STXBP5L: variants seen among roughly 807,000 people sequenced by gnomAD.
STXBP5L encodes the protein syntaxin binding protein 5L.
A neutral mutation model predicts 144.5 loss-of-function variants in STXBP5L; 65 were observed. That is an observed-to-expected ratio of 0.45 (90% CI 0.37 to 0.55). The LOEUF (loss-of-function observed/expected upper bound fraction) is 0.55. Among genes scored for constraint, STXBP5L ranks in the 20% least tolerant of loss-of-function variants. The probability of loss-of-function intolerance (pLI) is 0.00; values close to 1 mark genes in which losing one functional copy is unlikely to be tolerated. For missense variants in STXBP5L, 1,298 were observed against 1,405.5 expected (o/e 0.92, Z 1.22); for synonymous variants, 505 against 469.6 (o/e 1.08, Z -0.97).
At chr3:121,190,912 C>T (rs1321334585) in intron 9 of STXBP5L, among the ~76,000 whole-genome samples, 65 of 151,174 alleles carry the variant, frequency 4.3e-4, no homozygotes, top group Non-Finnish European at 7.7e-4. Flanking sequence ...GGGTCACGGC[C>T]GGGCAGAGGA....
intron 19 of STXBP5L, among the ~76,000 whole-genome samples, chr3:121,291,208 G>T (rs2051426204): frequency 5.3e-5 from 8 of 151,942 alleles, no homozygotes; most frequent in Admixed American, 5.2e-4. Flanking sequence ...AAAGTTTCAG[G>T]ATACAAAATC....
In STXBP5L at chr3:121,112,601, C is replaced by A. The variant is rs147890137; in HGVS notation, c.471-2324C>A. Among the ~76,000 whole-genome samples, 12 of 151,964 alleles carry A rather than the reference C, an allele frequency of 7.9e-5. No homozygotes were observed. In the East Asian group the frequency reaches 2.1e-3, roughly 27 times the overall value. On this transcript the variant is annotated intron_variant, in intron 5 of 26. Coordinates refer to ENST00000471454, the MANE Select transcript of STXBP5L (RefSeq NM_001308330.2). Reference sequence around the variant, plus strand: ...GCCTTCGACCGCAGCTATTTCCAGTCAATCATCTTGGTCCCTCCCGGCAAC... The same window carrying A: ...GCCTTCGACCGCAGCTATTTCCAGTAAATCATCTTGGTCCCTCCCGGCAAC...
At chr3:120,998,861 T>C (rs1250415533) in intron 3 of STXBP5L, among the ~76,000 whole-genome samples, 2 of 152,100 alleles carry the variant, frequency 1.3e-5, no homozygotes, top group African/African-American at 4.8e-5. Context: ...CTGAATGAAG[T>C]GAGAGCTGAC....
At chr3:121,351,607 T>TAGATTGCA (rs1418095644) in intron 20 of STXBP5L, among the ~76,000 whole-genome samples, 2 of 152,178 alleles carry the variant, frequency 1.3e-5, no homozygotes, top group African/African-American at 4.8e-5. Flanking sequence ...GTCAGATAGG[T>TAGATTGCA]AGATTGCAAA....
At chr3:121,355,483 T>C (rs2045473381) in intron 20 of STXBP5L, among the ~76,000 whole-genome samples, 2 of 152,218 alleles carry the variant, frequency 1.3e-5, no homozygotes, top group Admixed American at 1.3e-4. Context: ...GAATCAGCTA[T>C]TGAATCTTGT....
At chr3:120,938,363 G>A (rs914233749) in intron 2 of STXBP5L, among the ~76,000 whole-genome samples, 3 of 152,058 alleles carry the variant, frequency 2.0e-5, no homozygotes, top group Non-Finnish European at 4.4e-5. Context: ...CTTTCCTAAA[G>A]ATACTACATT....
chr3:121,006,656 T>C (rs975628707), intron 3 of STXBP5L, among the ~76,000 whole-genome samples: 1 of 152,228 alleles, frequency 6.6e-6, no homozygotes, highest in Non-Finnish European at 1.5e-5. Context: ...CAATGGTCTT[T>C]ACAATTTGGC....
chr3:121,209,622 C>A (rs1577216072), intron 10 of STXBP5L, among the ~76,000 whole-genome samples: 1 of 151,966 alleles, frequency 6.6e-6, no homozygotes, highest in African/African-American at 2.4e-5. Flanking sequence ...GTGATGTTCC[C>A]CTTCCTGTTT....
intron 19 of STXBP5L, among the ~76,000 whole-genome samples, chr3:121,295,756 C>T (rs1348170939): frequency 6.6e-6 from 1 of 152,106 alleles, no homozygotes; most frequent in Non-Finnish European, 1.5e-5. Flanking sequence ...ACACCTACAT[C>T]TACAATGTAT....
intron 3 of STXBP5L, among the ~76,000 whole-genome samples, chr3:120,958,121 T>C (rs1369415760): frequency 6.6e-6 from 1 of 152,144 alleles, no homozygotes; most frequent in Non-Finnish European, 1.5e-5. Flanking sequence ...CACAGAATAC[T>C]ATAAACAACT....
intron 3 of STXBP5L, among the ~76,000 whole-genome samples, chr3:120,971,638 TACACAC>T (rs10576644): frequency 1.7e-4 from 25 of 146,386 alleles, no homozygotes; most frequent in East Asian, 8.0e-4. Context: ...CATGCATACA[TACACAC>T]ACACACACAC....
intron 2 of STXBP5L, among the ~76,000 whole-genome samples, chr3:120,941,831 A>G (rs1191685044): frequency 6.6e-6 from 1 of 151,760 alleles, no homozygotes; most frequent in Non-Finnish European, 1.5e-5. Flanking sequence ...CCAAAGTGCC[A>G]TATCATTCGT....
At chr3:121,377,964 A>G (rs2046231532) in intron 20 of STXBP5L, among the ~76,000 whole-genome samples, 2 of 152,260 alleles carry the variant, frequency 1.3e-5, no homozygotes, top group African/African-American at 4.8e-5. Context: ...TGTGGCACAT[A>G]TACAGCATGG....
At position 121,273,611 on chromosome 3, in the gene STXBP5L, C is replaced by A. The variant is rs145434035; in HGVS notation, c.1959-6194C>A. ...ATGTACTCTCTGTCCCTTTCTCTCTCTTCCTCTGAATCTCCCATAATGTGA... is the reference window on the plus strand; with the variant it reads ...ATGTACTCTCTGTCCCTTTCTCTCTATTCCTCTGAATCTCCCATAATGTGA... On this transcript the variant is annotated intron_variant, in intron 18 of 26. Transcript: ENST00000471454. Among the ~76,000 whole-genome samples, 591 of 152,200 alleles carry A rather than the reference C, an allele frequency of 3.9e-3. 2 individuals are homozygous for A. The highest frequency in any genetic ancestry group is 3.7e-3 in the Non-Finnish European group (250 of 67,982).
At chr3:120,988,910 T>C (rs1025728721) in intron 3 of STXBP5L, among the ~76,000 whole-genome samples, 1 of 152,138 alleles carries the variant, frequency 6.6e-6, no homozygotes, top group South Asian at 2.1e-4. Context: ...AGTGAGAACA[T>C]GTGATATTTG....
intron 3 of STXBP5L, among the ~76,000 whole-genome samples, chr3:121,004,463 G>T (rs1232057625): frequency 6.6e-6 from 1 of 151,596 alleles, no homozygotes; most frequent in African/African-American, 2.4e-5. Flanking sequence ...GAGACAATGG[G>T]GTTTTCTAGA....
intron 9 of STXBP5L, among the ~76,000 whole-genome samples, chr3:121,170,704 C>G (rs2046676923): frequency 6.6e-6 from 1 of 152,132 alleles, no homozygotes; most frequent in Non-Finnish European, 1.5e-5. Context: ...TAATTATTAG[C>G]CTACCAACCA....
chr3:121,049,162 T>C (rs951235103), intron 5 of STXBP5L, among the ~76,000 whole-genome samples: 4 of 152,124 alleles, frequency 2.6e-5, no homozygotes, highest in Non-Finnish European at 5.9e-5. Flanking sequence ...TAGAAAACAG[T>C]CTGCTGCTTT....
chr3:121,312,700 A>G (rs1228266879), intron 19 of STXBP5L, among the ~76,000 whole-genome samples: 1 of 151,346 alleles, frequency 6.6e-6, no homozygotes. Flanking sequence ...TGTTTAACAA[A>G]GCACATCTTG....
Sources: allele counts gnomAD v4.1 joint callset (sites outside exome capture counted in the v4.1 genomes callset), GRCh38; gene constraint gnomAD v4.1.1; transcripts MANE v1.5; gene names NCBI Gene and HGNC (gene_info 2026-07-23, HGNC 2026-07-21).